The following DCAF7 variants were observed in gnomAD, a reference collection of about 807,000 sequenced individuals.
The protein encoded by DCAF7 is DDB1- and CUL4-associated factor 7.
In DCAF7, 4 loss-of-function variants were observed where a neutral mutation model predicts 41.2. The ratio of observed to expected loss-of-function variants is 0.10; its 90% CI spans 0.05 to 0.22. DCAF7 has a LOEUF of 0.22. Among genes scored for constraint, DCAF7 ranks in the 10% least tolerant of loss-of-function variants. The pLI is 1.00. For synonymous variants in DCAF7, 143 were observed against 164.2 expected (o/e 0.87, Z 0.99); for missense variants, 131 against 443.2 (o/e 0.30, Z 6.32).
At chr17:63,558,126 T>G (rs2033330001) in intron 1 of DCAF7, among the ~76,000 whole-genome samples, 1 of 152,134 alleles carries the variant, frequency 6.6e-6, no homozygotes, top group African/African-American at 2.4e-5. Flanking sequence ...AACTGTGGGC[T>G]CAAGTGATCC....
intron 1 of DCAF7, among the ~76,000 whole-genome samples, chr17:63,569,920 C>G (rs1220081498): frequency 1.3e-5 from 2 of 152,042 alleles, no homozygotes; most frequent in African/African-American, 4.8e-5. Context: ...GCCATGTTGG[C>G]CAGGCTGGTC....
intron 1 of DCAF7, among the ~76,000 whole-genome samples, chr17:63,561,639 A>G (rs541130621): frequency 6.6e-6 from 1 of 152,210 alleles, no homozygotes; most frequent in Admixed American, 6.5e-5. Context: ...GGATCGCTTG[A>G]GCCCAGAAGG....
At chr17:63,582,291 T>C (rs1230541924) in intron 4 of DCAF7, among the ~76,000 whole-genome samples, 2 of 152,170 alleles carry the variant, frequency 1.3e-5, no homozygotes, top group African/African-American at 4.8e-5. Context: ...CATTTGGCAG[T>C]GCCCCTCTGT....
intron 5 of DCAF7, among the ~76,000 whole-genome samples, chr17:63,584,288 C>T (rs941089777): frequency 1.3e-5 from 2 of 151,956 alleles, no homozygotes; most frequent in South Asian, 2.1e-4. Context: ...GCCAACATGG[C>T]GAAACCTCGT....
At chr17:63,582,897 T>A (rs73333804) in intron 4 of DCAF7, among the ~76,000 whole-genome samples, 17,133 of 152,290 alleles carry the variant, frequency 0.11, 3,069 homozygotes, top group African/African-American at 0.38. Context: ...ACTTATGATC[T>A]CAAACCAACT....
chr17:63,579,077 A>G (rs528711696), intron 2 of DCAF7, among the ~76,000 whole-genome samples: 93 of 152,310 alleles, frequency 6.1e-4, no homozygotes, highest in Admixed American at 1.3e-3. Flanking sequence ...ACCTGTGCAG[A>G]GGTTCCAGGC....
chr17:63,559,419 A>ATATGTATATATATG (rs1568097865), intron 1 of DCAF7, among the ~76,000 whole-genome samples: 2 of 109,646 alleles, frequency 1.8e-5, no homozygotes, highest in Admixed American at 1.9e-4. Flanking sequence ...GTATATATAT[A>ATATGTATATATATG]CGTATATATA....
At chr17:63,557,881 T>A (rs2033326769) in intron 1 of DCAF7, among the ~76,000 whole-genome samples, 1 of 152,146 alleles carries the variant, frequency 6.6e-6, no homozygotes, top group South Asian at 2.1e-4. Flanking sequence ...TTTTAAAAAA[T>A]TTATCTTATT....
At chr17:63,564,016 A>C (rs972216354) in intron 1 of DCAF7, among the ~76,000 whole-genome samples, 1 of 152,124 alleles carries the variant, frequency 6.6e-6, no homozygotes, top group Non-Finnish European at 1.5e-5. Flanking sequence ...CATTTTTCTA[A>C]AAGTTGAGGG....
Position 63,578,514 on chromosome 17 carries a change from C to T in DCAF7, c.183C>T (p.Cys61=), listed in dbSNP as rs890865475. 1.9e-6 allele frequency: 3 copies of T among 1,614,006 alleles called. No individual in the cohort carries two copies. Among genetic ancestry groups the T allele is most frequent in the Non-Finnish European group, 2.5e-6 (3 of 1,179,884 alleles). The change falls in exon 2 of 7, where the codon TGC becomes TGT. Residue 61 remains cysteine, a synonymous_variant. Coordinates refer to ENST00000614556, the MANE Select transcript of DCAF7 (RefSeq NM_005828.5). ...ATGAGGAGAGTTCAGAGTTTATTTGCAGAAACACCTTTGACCACCCATACC... is the reference window on the plus strand; with the variant it reads ...ATGAGGAGAGTTCAGAGTTTATTTGTAGAAACACCTTTGACCACCCATACC... ...GLDEESSEFI[C]RNTFDHPYPT...
At chr17:63,568,043 T>TG (rs931483452) in intron 1 of DCAF7, among the ~76,000 whole-genome samples, 1 of 149,406 alleles carries the variant, frequency 6.7e-6, no homozygotes, top group Non-Finnish European at 1.5e-5. Context: ...TTTTTTGAGA[T>TG]GGAGTCTCGC....
At chr17:63,566,184 C>T (rs2033438744) in intron 1 of DCAF7, among the ~76,000 whole-genome samples, 1 of 151,986 alleles carries the variant, frequency 6.6e-6, no homozygotes, top group Non-Finnish European at 1.5e-5. Context: ...TCCTGGCTAA[C>T]ACTGTGAAAC....
chr17:63,585,919 C>T (rs187514617), intron 6 of DCAF7, among the ~76,000 whole-genome samples: 26 of 151,956 alleles, frequency 1.7e-4, no homozygotes, highest in Admixed American at 1.2e-3. Context: ...GTCAGGAGTT[C>T]GTGACCAGCC....
intron 1 of DCAF7, among the ~76,000 whole-genome samples, chr17:63,559,334 C>G (rs1343361756): frequency 1.5e-5 from 1 of 65,026 alleles, no homozygotes; most frequent in Non-Finnish European, 2.8e-5. Flanking sequence ...TATATATATA[C>G]ATACATATAT....
intron 1 of DCAF7, among the ~76,000 whole-genome samples, chr17:63,555,614 C>T (rs1176422604): frequency 2.6e-5 from 4 of 152,064 alleles, no homozygotes; most frequent in African/African-American, 9.7e-5. Flanking sequence ...TGTTTTGGTA[C>T]ACATCAGTAC....
intron 1 of DCAF7, among the ~76,000 whole-genome samples, chr17:63,563,879 CAG>C (rs1247392785): frequency 2.6e-5 from 4 of 151,806 alleles, no homozygotes; most frequent in Non-Finnish European, 5.9e-5. Flanking sequence ...TAAGAGAAAA[CAG>C]TGTACAGCAC....
At chr17:63,555,313 G>GA (rs890372861) in intron 1 of DCAF7, among the ~76,000 whole-genome samples, 2 of 152,142 alleles carry the variant, frequency 1.3e-5, no homozygotes, top group African/African-American at 4.8e-5. Context: ...AGGTTCTGAG[G>GA]AGAGACTGTA....
chr17:63,578,079 C>G (rs1448684134), intron 1 of DCAF7, among the ~76,000 whole-genome samples: 1 of 152,186 alleles, frequency 6.6e-6, no homozygotes, highest in Non-Finnish European at 1.5e-5. Flanking sequence ...ACTTCTGTCA[C>G]TGGCCAGGCA....
Position 63,550,656 on chromosome 17 carries a change from G to T in DCAF7, c.-22G>T, listed in dbSNP as rs112793660. The T allele has an allele frequency of 1.5e-3, 2,442 of 1,612,006 alleles. 44 individuals are homozygous for T. In the African/African-American group the frequency reaches 0.027, roughly 18 times the overall value. ...CCGCAGCCCACTGTTGACCCGGCCC[G>T]TACTGCGGCCCCGTGGCCACCATGT... On this transcript the variant is annotated 5_prime_UTR_variant, in exon 1 of 7. Transcript: ENST00000614556. The surrounding 1 kb of genome is among the most constrained non-coding windows in gnomAD (Gnocchi z 4.8).
Sources: gnomAD v4.1 joint callset for allele counts (sites outside exome capture counted in the v4.1 genomes callset) on GRCh38, gnomAD v4.1.1 for gene constraint, Gnocchi (gnomAD v3.1) non-coding constraint, MANE v1.5 for transcripts, NCBI Gene and HGNC (gene_info 2026-07-23, HGNC 2026-07-21) for gene names.